ABCC6: variants seen among roughly 807,000 people sequenced by gnomAD.
ABCC6 encodes ATP-binding cassette sub-family C member 6.
ABCC6 carries 126 observed loss-of-function variants against 169.5 expected under a neutral mutation model. The ratio of observed to expected loss-of-function variants is 0.74; its 90% CI spans 0.64 to 0.86. The LOEUF is 0.86. Ranked by LOEUF, ABCC6 falls within the 40% of genes least tolerant of loss-of-function variation. The pLI, the probability that ABCC6 is intolerant of heterozygous loss-of-function variation, is 0.00. For missense variants in ABCC6, 1,733 were observed against 1,927.2 expected, an observed-to-expected ratio of 0.90 and a Z score of 1.89; for synonymous variants, 752 against 814.7, an observed-to-expected ratio of 0.92 and a Z score of 1.31.
chr16:16,150,294 G>A (rs538678896), intron 30 of ABCC6, 53 bp from the exon 31 acceptor site: 7 of 1,610,810 alleles, frequency 4.3e-6, no homozygotes, highest in Middle Eastern at 1.6e-4. Context: ...CCAGGCTCTC[G>A]GCAGCTGTGA....
chr16:16,208,383 T>G (rs995879149), intron 7 of ABCC6, among the ~76,000 whole-genome samples: 18 of 151,842 alleles, frequency 1.2e-4, no homozygotes, highest in Non-Finnish European at 2.1e-4. Flanking sequence ...TTGTTTGTTT[T>G]TTTTTTTGAT....
intron 6 of ABCC6, 25 bp from the exon 7 acceptor site, chr16:16,208,884 A>G: frequency 2.5e-6 from 4 of 1,613,372 alleles, no homozygotes; most frequent in Non-Finnish European, 2.5e-6. Context: ...CACCAGGGAA[A>G]GCTTTTCCTG....
At chr16:16,196,665 C>T (rs1319853307) in intron 10 of ABCC6, among the ~76,000 whole-genome samples, 1 of 152,128 alleles carries the variant, frequency 6.6e-6, no homozygotes, top group Non-Finnish European at 1.5e-5. Context: ...GGATTTGAGC[C>T]TAGGCAGTTC....
chr16:16,175,226 G>A (rs1433543122), intron 20 of ABCC6, among the ~76,000 whole-genome samples: 2 of 152,212 alleles, frequency 1.3e-5, no homozygotes, highest in African/African-American at 4.8e-5. Context: ...ATGGGGGTCA[G>A]CCCCAATGGT....
intron 10 of ABCC6, 59 bp downstream of exon 10, chr16:16,197,962 G>A (rs2048106376): frequency 2.0e-6 from 3 of 1,537,450 alleles, no homozygotes; most frequent in Non-Finnish European, 2.7e-6. Flanking sequence ...GGAAGGAGGA[G>A]GGGGAGAAGG....
intron 14 of ABCC6, among the ~76,000 whole-genome samples, chr16:16,185,653 T>C (rs936119369): frequency 2.6e-5 from 4 of 152,072 alleles, no homozygotes; most frequent in Admixed American, 6.6e-5. Flanking sequence ...GGCGTGGTGG[T>C]GGGCGCCTGT....
intron 25 of ABCC6, among the ~76,000 whole-genome samples, chr16:16,160,757 A>G (rs545584736): frequency 1.3e-5 from 2 of 152,096 alleles, no homozygotes; most frequent in South Asian, 4.1e-4. Flanking sequence ...GTGAGCCAAG[A>G]TCATGCCACT....
intron 10 of ABCC6, among the ~76,000 whole-genome samples, chr16:16,197,025 C>T (rs2048060407): frequency 6.6e-6 from 1 of 152,138 alleles, no homozygotes; most frequent in African/African-American, 2.4e-5. Flanking sequence ...AAAGAAAATC[C>T]TATACCACAA....
Position 16,198,169 on chromosome 16 carries a change from G to C in ABCC6, c.1190C>G (p.Ser397Cys), listed in dbSNP as rs773374784. 4 of 1,602,626 alleles carry C rather than the reference G, an allele frequency of 2.5e-6. No homozygotes were observed. In the South Asian group the frequency reaches 3.4e-5, roughly 13 times the overall value. Residue 397 changes from serine to cysteine, a missense_variant, in exon 10 of 31, where the codon TCC becomes TGC. By Grantham distance (112) the Ser-to-Cys change is moderately radical. Around this residue, in one of 5 missense-constraint regions of ABCC6, gnomAD observed 1,601 missense variants for 1,635.5 expected, o/e 0.98. Transcript: ENST00000205557. ...CGCACTGGCCTTTCTGGAGCCGCTGGACAGAGCCAGGACCTGGCGGGTGGG... is the reference window on the plus strand; with the variant it reads ...CGCACTGGCCTTTCTGGAGCCGCTGCACAGAGCCAGGACCTGGCGGGTGGG... ...GLVYRKVLAL[S>C]SGSRKASAVG...
At chr16:16,170,897 C>T (rs569249418) in intron 21 of ABCC6, among the ~76,000 whole-genome samples, 112 of 109,418 alleles carry the variant, frequency 1.0e-3, no homozygotes, top group African/African-American at 3.8e-3. Context: ...CTTCTCTGGG[C>T]GACAAGAGTG....
At chr16:16,192,026 AC>A (rs1283627297) in intron 11 of ABCC6, among the ~76,000 whole-genome samples, 20 of 152,120 alleles carry the variant, frequency 1.3e-4, no homozygotes, top group South Asian at 4.1e-4. Context: ...AAAAGCAAAA[AC>A]AATCCCAGGG....
chr16:16,215,592 G>T (rs2048842509), intron 4 of ABCC6, among the ~76,000 whole-genome samples: 1 of 151,202 alleles, frequency 6.6e-6, no homozygotes, highest in Admixed American at 6.6e-5. Flanking sequence ...TCCTGCCTTA[G>T]CCTCCTGAGT....
intron 20 of ABCC6, 99 bp from the exon 21 acceptor site, chr16:16,173,503 G>A: frequency 7.4e-7 from 1 of 1,359,098 alleles, no homozygotes; most frequent in Non-Finnish European, 1.1e-6. Context: ...TGAGCTCTGG[G>A]TACACTCTGT....
chr16:16,154,932 C>T lies in ABCC6; in HGVS notation c.3982G>A (p.Val1328Ile). The change falls in exon 28 of 31, where the codon GTC becomes ATC. Residue 1328 changes from valine to isoleucine, a missense_variant. Around this residue, in one of 5 missense-constraint regions of ABCC6, gnomAD observed 1,601 missense variants for 1,635.5 expected, o/e 0.98. Coordinates refer to ENST00000205557, the MANE Select transcript of ABCC6 (RefSeq NM_001171.6). ...TGCAGCCCCACGTGGGCAATGGGGA[C>T]CCCGTCGATCCAGATCCCACCCTCA... ...AAEGGIWIDGVPIAHVGLHTL... is the reference protein window; with the variant it reads ...AAEGGIWIDGIPIAHVGLHTL... 6.2e-7 allele frequency: 1 copy of T among 1,601,684 alleles called. No individual in the cohort carries two copies. Among genetic ancestry groups the T allele is most frequent in the East Asian group, 2.3e-5 (1 of 44,116 alleles).
At chr16:16,201,908 G>A (rs1415456718) in intron 9 of ABCC6, 93 bp downstream of exon 9, 53 of 1,399,010 alleles carry the variant, frequency 3.8e-5, no homozygotes, top group Non-Finnish European at 4.8e-5. Context: ...AGCAAGGACT[G>A]AATGCGTTCT....
chr16:16,171,531 T>C (rs1034822656), intron 21 of ABCC6, among the ~76,000 whole-genome samples: 1 of 152,160 alleles, frequency 6.6e-6, no homozygotes, highest in South Asian at 2.1e-4. Flanking sequence ...GTTTGCTGGA[T>C]GGATGAGAGG....
At position 16,177,645 on chromosome 16, in the gene ABCC6, G is replaced by C; in HGVS notation, c.2416-19C>G. 6.2e-7 allele frequency: 1 copy of C among 1,613,962 alleles called. No homozygotes were observed. The highest frequency in any genetic ancestry group is 8.5e-7 in the Non-Finnish European group (1 of 1,179,932). On this transcript the variant is annotated intron_variant, in intron 18 of 30. Transcript: ENST00000205557. ...TCCGTGTCTGGGCAGGGAAGGGGTA[G>C]AAGTTACACACATGTGGCCGGGTGC...
intron 17 of ABCC6, chr16:16,181,986 T>A: frequency 4.1e-6 from 1 of 245,144 alleles, no homozygotes; most frequent in Non-Finnish European, 8.0e-6. Context: ...TGGCTTGGGG[T>A]CACAGTTTGC....
At chr16:16,195,603 G>A (rs932184629) in intron 10 of ABCC6, among the ~76,000 whole-genome samples, 5 of 152,034 alleles carry the variant, frequency 3.3e-5, no homozygotes, top group Admixed American at 6.6e-5. Flanking sequence ...GTGAGCCACC[G>A]TGCCCCGCCT....
Sources: gnomAD v4.1 joint callset for allele counts (sites outside exome capture counted in the v4.1 genomes callset) on GRCh38, gnomAD v4.1.1 for gene constraint, gnomAD v4.1.1 regional missense constraint, MANE v1.5 for transcripts, NCBI Gene and HGNC (gene_info 2026-07-23, HGNC 2026-07-21) for gene names.